The following SCGB2B2 variants were observed in gnomAD, a reference collection of about 807,000 sequenced individuals.
SCGB2B2 encodes the protein secretoglobin-like protein.
Under a neutral mutation model 7.6 loss-of-function variants are expected in SCGB2B2, and 11 were observed. The ratio of observed to expected loss-of-function variants is 1.45; its 90% CI spans 0.91 to 2.40. The LOEUF (loss-of-function observed/expected upper bound fraction) is 2.40. Among genes scored for constraint, SCGB2B2 ranks in the 30% most tolerant of loss-of-function variants. The pLI is 0.00. For missense variants in SCGB2B2, 104 were observed against 115.4 expected, an observed-to-expected ratio of 0.90 and a Z score of 0.45; for synonymous variants, 50 against 48.6, an observed-to-expected ratio of 1.03 and a Z score of -0.12.
intron 1 of SCGB2B2, among the ~76,000 whole-genome samples, chr19:34,597,770 C>T (rs1362353536): frequency 3.9e-5 from 6 of 152,152 alleles, no homozygotes; most frequent in South Asian, 2.1e-4. Flanking sequence ...CAGCAGAGAG[C>T]GGGGCCCAGG....
At position 34,670,153 on chromosome 19, in the gene SCGB2B2, G is replaced by A. The variant is rs577374951; in HGVS notation, c.-2032+5477C>T. Among the ~76,000 whole-genome samples the A allele has an allele frequency of 1.1e-3, 174 of 152,238 alleles. 1 individual carries two copies. The highest frequency in any genetic ancestry group is 4.0e-3 in the African/African-American group (165 of 41,524). On this transcript the variant is annotated intron_variant, in intron 1 of 3. Coordinates refer to ENST00000601241, the MANE Select transcript of SCGB2B2 (RefSeq NM_001025591.4). The stretch of plus-strand genomic sequence containing the variant: ...TGCCAGTTGGTTGTATATGAGACAG[G>A]TGCTCCAGGTCGAGCGTTTTGCCAT...
At chr19:34,618,502 T>C (rs191596658) in intron 1 of SCGB2B2, among the ~76,000 whole-genome samples, 190 of 152,324 alleles carry the variant, frequency 1.2e-3, no homozygotes, top group Middle Eastern at 6.8e-3. Context: ...ACCCGCAGAC[T>C]TTCCTTCACA....
intron 1 of SCGB2B2, among the ~76,000 whole-genome samples, chr19:34,638,549 T>C (rs1356453425): frequency 2.6e-5 from 4 of 152,022 alleles, no homozygotes; most frequent in African/African-American, 9.7e-5. Flanking sequence ...GCTCATTGAA[T>C]TGATTATATT....
At chr19:34,653,812 T>C (rs2067219521) in intron 1 of SCGB2B2, among the ~76,000 whole-genome samples, 1 of 151,058 alleles carries the variant, frequency 6.6e-6, no homozygotes, top group African/African-American at 2.5e-5. Context: ...CTGAAGGAAC[T>C]TACCTCAACA....
At chr19:34,589,104 GA>G (rs1436721722), downstream of SCGB2B2, among the ~76,000 whole-genome samples, 2 of 152,166 alleles carry the variant, frequency 1.3e-5, no homozygotes. Flanking sequence ...TGGACTGTAA[GA>G]GGTCACCTCT....
In SCGB2B2 at chr19:34,592,158, A is replaced by C. The variant is rs2065312379; in HGVS notation, c.*1397T>G. Among the ~76,000 whole-genome samples, 1 of 152,122 alleles carries C rather than the reference A, an allele frequency of 6.6e-6. No homozygotes were observed. The highest frequency in any genetic ancestry group is 2.4e-5 in the African/African-American group (1 of 41,424). On this transcript the variant is annotated 3_prime_UTR_variant, in exon 4 of 4. Coordinates refer to ENST00000601241, the MANE Select transcript of SCGB2B2 (RefSeq NM_001025591.4). The stretch of plus-strand genomic sequence containing the variant: ...TGGAGGAGATGACGGCTGAGGGATG[A>C]CAAGGAGAATGGGTGGAAGGGAGAA...
Position 34,676,104 on chromosome 19 carries a change from C to T in SCGB2B2, c.-2506G>A, listed in dbSNP as rs2067935680. ...CCCCGCCCACATCCTGCTGATTTGT[C>T]CATTTTACAGAGCGCTGATTGGTCT... On this transcript the variant is annotated 5_prime_UTR_variant, in exon 1 of 4. Coordinates refer to ENST00000601241, the MANE Select transcript of SCGB2B2 (RefSeq NM_001025591.4). 1 of 152,232 alleles carries T rather than the reference C, an allele frequency of 6.6e-6. No individual in the cohort carries two copies. The highest frequency in any genetic ancestry group is 2.4e-5 in the African/African-American group (1 of 41,438). 9.4% of individuals were successfully genotyped at this position (152,232 alleles called of 1,614,324 possible).
At chr19:34,630,245 A>T (rs953000622) in intron 1 of SCGB2B2, among the ~76,000 whole-genome samples, 14 of 151,964 alleles carry the variant, frequency 9.2e-5, no homozygotes, top group Non-Finnish European at 1.8e-4. Context: ...ATGGCAACAA[A>T]TGCCAAAATT....
At chr19:34,610,969 A>G (rs1342493177) in intron 1 of SCGB2B2, among the ~76,000 whole-genome samples, 4 of 151,884 alleles carry the variant, frequency 2.6e-5, no homozygotes, top group Non-Finnish European at 5.9e-5. Flanking sequence ...CTTTGATGGG[A>G]GATATTTTAT....
chr19:34,625,487 C>T (rs989456365), intron 1 of SCGB2B2, among the ~76,000 whole-genome samples: 2 of 152,190 alleles, frequency 1.3e-5, no homozygotes, highest in African/African-American at 2.4e-5. Flanking sequence ...ATGCATGGCT[C>T]GGAGGGTCCT....
intron 1 of SCGB2B2, among the ~76,000 whole-genome samples, chr19:34,650,510 A>C (rs1276198943): frequency 6.6e-6 from 1 of 151,184 alleles, no homozygotes; most frequent in Non-Finnish European, 1.5e-5. Context: ...ACCTAGCAAA[A>C]ATGTATAAAT....
chr19:34,661,521 A>C (rs530723933), intron 1 of SCGB2B2, among the ~76,000 whole-genome samples: 2 of 152,252 alleles, frequency 1.3e-5, no homozygotes, highest in African/African-American at 4.8e-5. Flanking sequence ...AAGTAGAAGG[A>C]CTCCCTCTGC....
At chr19:34,586,234 TATTAA>T (rs993414034), downstream of SCGB2B2, among the ~76,000 whole-genome samples, 71 of 152,350 alleles carry the variant, frequency 4.7e-4, 1 homozygote, top group Admixed American at 1.7e-3. Context: ...CTTGTATGTT[TATTAA>T]ATTAAATTAT....
chr19:34,615,239 G>A (rs2066038774), intron 1 of SCGB2B2, among the ~76,000 whole-genome samples: 1 of 152,162 alleles, frequency 6.6e-6, no homozygotes, highest in Non-Finnish European at 1.5e-5. Context: ...AAGGAACACA[G>A]CCATATATAT....
intron 1 of SCGB2B2, among the ~76,000 whole-genome samples, chr19:34,665,298 G>A (rs1016030923): frequency 1.3e-5 from 2 of 152,224 alleles, no homozygotes; most frequent in African/African-American, 4.8e-5. Context: ...GCCTAGAGAT[G>A]GTCTAAACCT....
intron 1 of SCGB2B2, among the ~76,000 whole-genome samples, chr19:34,653,817 T>C (rs2067219785): frequency 6.6e-6 from 1 of 151,118 alleles, no homozygotes; most frequent in Admixed American, 6.6e-5. Flanking sequence ...GGAACTTACC[T>C]CAACACAAAT....
chr19:34,653,827 T>C (rs894415355), intron 1 of SCGB2B2, among the ~76,000 whole-genome samples: 1 of 151,032 alleles, frequency 6.6e-6, no homozygotes, highest in African/African-American at 2.5e-5. Context: ...TCAACACAAA[T>C]ATGGTAATAT....
At chr19:34,613,220 T>A (rs1424025584) in intron 1 of SCGB2B2, among the ~76,000 whole-genome samples, 6 of 152,066 alleles carry the variant, frequency 3.9e-5, no homozygotes, top group Non-Finnish European at 8.8e-5. Flanking sequence ...TGCCTTAGCC[T>A]CCTGAGCAGC....
intron 1 of SCGB2B2, among the ~76,000 whole-genome samples, chr19:34,643,317 A>ACAAATAGACATGCCTGGGT (rs2066898006): frequency 6.6e-6 from 1 of 152,248 alleles, no homozygotes; most frequent in Non-Finnish European, 1.5e-5. Flanking sequence ...TAACCCAGGC[A>ACAAATAGACATGCCTGGGT]TAGAAAGACA....
Sources: gnomAD v4.1 joint callset for allele counts (sites outside exome capture counted in the v4.1 genomes callset) on GRCh38, gnomAD v4.1.1 for gene constraint, MANE v1.5 for transcripts, NCBI Gene and HGNC (gene_info 2026-07-23, HGNC 2026-07-21) for gene names.